Variants in RARB observed in about 807,000 individuals in gnomAD.
RARB encodes the protein HBV-activated protein.
Under a neutral mutation model 51.9 loss-of-function variants are expected in RARB, and 17 were observed. The observed-to-expected ratio is 0.33, with a 90% confidence interval of 0.22 to 0.49. RARB has a LOEUF of 0.49. Ranked by LOEUF, RARB falls within the 20% of genes least tolerant of loss-of-function variation. The pLI, the probability that RARB is intolerant of heterozygous loss-of-function variation, is 0.99. For missense variants in RARB, 369 were observed against 550.8 expected (o/e 0.67, Z 3.30); for synonymous variants, 215 against 195.4 (o/e 1.10, Z -0.84).
rs143375707 is a variant in RARB, at chr3:25,318,482, C to T, written c.179-142711C>T. ...AATGGATGGTGTATTGCTGGTTTAG[C>T]ATAAAATACTGAATAACATATTCAA... On this transcript the variant is annotated intron_variant, in intron 5 of 11. Coordinates refer to the RARB transcript ENST00000383772. Among the ~76,000 whole-genome samples, 399 of 152,216 alleles carry T rather than the reference C, an allele frequency of 2.6e-3. 2 individuals are homozygous for T. Among genetic ancestry groups the T allele is most frequent in the Non-Finnish European group, 4.9e-3 (331 of 67,978 alleles).
intron 5 of RARB, among the ~76,000 whole-genome samples, chr3:25,414,019 C>T (rs972946703): frequency 1.2e-4 from 19 of 152,074 alleles, no homozygotes; most frequent in South Asian, 1.2e-3. Context: ...ACCACCACCA[C>T]CACCCAGAAG....
At chr3:25,462,379 A>G (rs974805052) in intron 2 of RARB, 5 of 152,232 alleles carry the variant, frequency 3.3e-5, no homozygotes, top group African/African-American at 1.2e-4. Flanking sequence ...CAAAGGAACT[A>G]TGGCTGTTTT....
chr3:25,190,999 T>C (rs1161187024), intron 5 of RARB, among the ~76,000 whole-genome samples: 1 of 152,130 alleles, frequency 6.6e-6, no homozygotes, highest in Non-Finnish European at 1.5e-5. Flanking sequence ...CATCTAACTC[T>C]TTTCCTCCTT....
chr3:25,505,368 CA>C (rs1321835424), intron 3 of RARB, among the ~76,000 whole-genome samples: 2 of 152,244 alleles, frequency 1.3e-5, no homozygotes, highest in East Asian at 3.9e-4. Flanking sequence ...ATTTTATTGC[CA>C]GTGGTTAATA....
chr3:25,255,211 C>T (rs1309507497), intron 5 of RARB, among the ~76,000 whole-genome samples: 1 of 152,114 alleles, frequency 6.6e-6, no homozygotes, highest in South Asian at 2.1e-4. Flanking sequence ...AGTAGATCAA[C>T]ACAAATATGA....
chr3:25,496,052 C>T (rs1342403402), intron 2 of RARB, among the ~76,000 whole-genome samples: 3 of 152,066 alleles, frequency 2.0e-5, no homozygotes, highest in Non-Finnish European at 4.4e-5. Flanking sequence ...TGTTTAATTG[C>T]GTAAATACAA....
chr3:25,141,205 C>G (rs747004137), intron 4 of RARB, among the ~76,000 whole-genome samples: 38 of 151,876 alleles, frequency 2.5e-4, no homozygotes, highest in Non-Finnish European at 4.3e-4. Flanking sequence ...AATTCTTAGA[C>G]CCGGGAAACT....
At chr3:25,259,955 A>T in intron 5 of RARB, 1 of 985,330 alleles carries the variant, frequency 1.0e-6, no homozygotes, top group South Asian at 4.7e-5. Flanking sequence ...GGAGGGGGGC[A>T]GTCAGTGTGG....
chr3:25,458,494 G>A (rs896945689), intron 1 of RARB: 1 of 152,184 alleles, frequency 6.6e-6, no homozygotes, highest in Non-Finnish European at 1.5e-5. Flanking sequence ...TTCGCTTTCA[G>A]TGAAGCTGAT....
intron 2 of RARB, among the ~76,000 whole-genome samples, chr3:24,909,241 A>G (rs114103185): frequency 0.01 from 1,572 of 152,306 alleles, 12 homozygotes; most frequent in Middle Eastern, 0.034. Context: ...GTTCTCACTG[A>G]ACCACTAGGG....
intron 2 of RARB, among the ~76,000 whole-genome samples, chr3:24,961,020 A>C (rs1696129273): frequency 6.6e-6 from 1 of 152,248 alleles, no homozygotes; most frequent in Admixed American, 6.5e-5. Context: ...CTATTTTCTT[A>C]TTTGTCAAAT....
At chr3:25,160,874 A>G (rs1700462679) in intron 4 of RARB, among the ~76,000 whole-genome samples, 1 of 152,018 alleles carries the variant, frequency 6.6e-6, no homozygotes, top group Non-Finnish European at 1.5e-5. Context: ...TCACCTTCAA[A>G]GCACATCACC....
chr3:24,830,167 G>A (rs1430512344), intron 1 of RARB, among the ~76,000 whole-genome samples: 4 of 152,236 alleles, frequency 2.6e-5, no homozygotes, highest in Middle Eastern at 3.4e-3. Flanking sequence ...TGCTGTGTGC[G>A]CGCTTTGGCA....
At chr3:24,985,764 A>C (rs181208890) in intron 2 of RARB, among the ~76,000 whole-genome samples, 1 of 152,122 alleles carries the variant, frequency 6.6e-6, no homozygotes, top group Non-Finnish European at 1.5e-5. Context: ...TGTACTTTGC[A>C]CAGTAGCTAC....
intron 2 of RARB, among the ~76,000 whole-genome samples, chr3:24,870,065 T>C (rs1465378585): frequency 2.0e-5 from 3 of 152,114 alleles, no homozygotes; most frequent in Admixed American, 2.0e-4. Context: ...GTGATATTTT[T>C]CTGTTGATTT....
At chr3:25,314,621 T>G (rs548933028) in intron 5 of RARB, among the ~76,000 whole-genome samples, 1 of 152,348 alleles carries the variant, frequency 6.6e-6, no homozygotes, top group Middle Eastern at 3.4e-3. Flanking sequence ...CAAAAACCTT[T>G]TTTTTCCTCC....
At chr3:25,233,744 C>G (rs375401575) in intron 5 of RARB, among the ~76,000 whole-genome samples, 26 of 149,108 alleles carry the variant, frequency 1.7e-4, no homozygotes, top group Admixed American at 6.7e-4. Flanking sequence ...ACTGGTTTGC[C>G]AGGCGTTTTT....
chr3:25,234,147 C>A (rs1702248607), intron 5 of RARB, among the ~76,000 whole-genome samples: 1 of 152,050 alleles, frequency 6.6e-6, no homozygotes, highest in African/African-American at 2.4e-5. Context: ...TTAATTCTTT[C>A]TTAAATATTT....
intron 5 of RARB, among the ~76,000 whole-genome samples, chr3:25,246,560 T>A (rs754693740): frequency 2.0e-5 from 3 of 152,170 alleles, no homozygotes; most frequent in Non-Finnish European, 4.4e-5. Context: ...TTAGTTTTCC[T>A]TCTATCAGTC....
Sources: gnomAD v4.1 joint callset for allele counts (sites outside exome capture counted in the v4.1 genomes callset) on GRCh38, gnomAD v4.1.1 for gene constraint, MANE v1.5 for transcripts, NCBI Gene and HGNC (gene_info 2026-07-23, HGNC 2026-07-21) for gene names.